TRPC4: variants seen among roughly 807,000 people sequenced by gnomAD.
TRPC4 encodes the protein short transient receptor potential channel 4.
A neutral mutation model predicts 99.4 loss-of-function variants in TRPC4; 49 were observed. That is an observed-to-expected ratio of 0.49 (90% confidence interval 0.39 to 0.63). The LOEUF is 0.63. Among genes scored for constraint, TRPC4 ranks in the 20% least tolerant of loss-of-function variants. The pLI is 0.00. For missense variants in TRPC4, 898 were observed against 1,152.9 expected (o/e 0.78, Z 3.20); for synonymous variants, 454 against 425.9 (o/e 1.07, Z -0.81).
chr13:37,753,757 G>A (rs1243162952), intron 2 of TRPC4, among the ~76,000 whole-genome samples: 3 of 152,124 alleles, frequency 2.0e-5, no homozygotes, highest in Non-Finnish European at 4.4e-5. Flanking sequence ...GGATGGAAAG[G>A]TGAACACAAG....
chr13:37,827,067 G>A (rs534034139), intron 1 of TRPC4, among the ~76,000 whole-genome samples: 8 of 151,928 alleles, frequency 5.3e-5, no homozygotes, highest in Admixed American at 3.9e-4. Flanking sequence ...GATCGCATCG[G>A]CTCCTGAGGC....
chr13:37,847,341 T>C (rs1186687065), intron 1 of TRPC4, among the ~76,000 whole-genome samples: 1 of 151,744 alleles, frequency 6.6e-6, no homozygotes, highest in Non-Finnish European at 1.5e-5. Context: ...TATCAAGCGG[T>C]TTTTCAGAGC....
At chr13:37,761,627 A>T (rs914443264) in intron 2 of TRPC4, among the ~76,000 whole-genome samples, 1 of 151,932 alleles carries the variant, frequency 6.6e-6, no homozygotes, top group Non-Finnish European at 1.5e-5. Context: ...TAGTTCCCAT[A>T]GGGCTGTGGT....
At chr13:37,652,668 T>A (rs1281433133) in intron 7 of TRPC4, among the ~76,000 whole-genome samples, 2 of 2,856 alleles carry the variant, frequency 7.0e-4, no homozygotes, top group African/African-American at 1.9e-3. Flanking sequence ...CTGATTATGC[T>A]GCATTGGTGA....
intron 1 of TRPC4, among the ~76,000 whole-genome samples, chr13:37,795,883 A>T (rs1957231343): frequency 6.6e-6 from 1 of 152,190 alleles, no homozygotes; most frequent in Non-Finnish European, 1.5e-5. Flanking sequence ...GGAGAAGGCA[A>T]TACATTTCTG....
At chr13:37,780,700 A>T (rs1431758770) in intron 2 of TRPC4, among the ~76,000 whole-genome samples, 2 of 152,114 alleles carry the variant, frequency 1.3e-5, no homozygotes, top group Non-Finnish European at 2.9e-5. Flanking sequence ...GATACGGCCC[A>T]AGCACTGAGG....
chr13:37,756,946 CAGG>C (rs1192116230), intron 2 of TRPC4, among the ~76,000 whole-genome samples: 14 of 152,084 alleles, frequency 9.2e-5, no homozygotes, highest in Middle Eastern at 3.4e-3. Flanking sequence ...GGCTCTAAAT[CAGG>C]AGATTTTAAA....
intron 1 of TRPC4, among the ~76,000 whole-genome samples, chr13:37,857,131 C>T (rs932605937): frequency 1.3e-5 from 2 of 151,412 alleles, no homozygotes; most frequent in African/African-American, 4.8e-5. Context: ...TATATGCCAA[C>T]AGTAAACAAT....
intron 1 of TRPC4, among the ~76,000 whole-genome samples, chr13:37,865,868 A>T (rs1488705969): frequency 6.6e-6 from 1 of 151,736 alleles, no homozygotes; most frequent in Non-Finnish European, 1.5e-5. Context: ...TTAAAATGTG[A>T]TAATACTTCA....
At chr13:37,745,465 TATATATATACACAC>T (rs1382075784) in intron 3 of TRPC4, among the ~76,000 whole-genome samples, 1,077 of 24,062 alleles carry the variant, frequency 0.045, 61 homozygotes, top group African/African-American at 0.15. Flanking sequence ...TATATATATA[TATATATATACACAC>T]ACACACACAC....
rs184009518 is a variant in TRPC4, at chr13:37,798,444, T to C, written c.-27-15084A>G. Among the ~76,000 whole-genome samples the C allele has an allele frequency of 2.3e-3, 349 of 152,286 alleles. 1 individual carries two copies. The highest frequency in any genetic ancestry group is 3.9e-3 in the Admixed American group (60 of 15,282). ...ATAAACAATTACTGATTCATCAAAATTATCATAAAATTATTTATTCCTCAG... is the reference window on the plus strand; with the variant it reads ...ATAAACAATTACTGATTCATCAAAACTATCATAAAATTATTTATTCCTCAG... On this transcript the variant is annotated intron_variant, in intron 1 of 10. Transcript: ENST00000379705.
chr13:37,701,195 C>A (rs1954091590), intron 3 of TRPC4, among the ~76,000 whole-genome samples: 1 of 152,092 alleles, frequency 6.6e-6, no homozygotes, highest in Non-Finnish European at 1.5e-5. Flanking sequence ...TTCTGTCAGT[C>A]TTTGATATCA....
intron 1 of TRPC4, among the ~76,000 whole-genome samples, chr13:37,798,042 T>G (rs1302515756): frequency 6.6e-6 from 1 of 152,194 alleles, no homozygotes; most frequent in Non-Finnish European, 1.5e-5. Context: ...GTTAGCATTT[T>G]TCTAAAATTC....
intron 1 of TRPC4, among the ~76,000 whole-genome samples, chr13:37,818,825 T>C (rs1957934502): frequency 6.6e-6 from 1 of 151,876 alleles, no homozygotes; most frequent in African/African-American, 2.4e-5. Flanking sequence ...ATTGAAGAGA[T>C]AGCATTAGGA....
At chr13:37,728,989 G>A (rs1955157368) in intron 3 of TRPC4, among the ~76,000 whole-genome samples, 1 of 152,058 alleles carries the variant, frequency 6.6e-6, no homozygotes, top group African/African-American at 2.4e-5. Context: ...AAATAAGAAT[G>A]AAGTTGGACC....
intron 3 of TRPC4, among the ~76,000 whole-genome samples, chr13:37,732,098 T>C (rs920784145): frequency 1.3e-5 from 2 of 152,106 alleles, no homozygotes; most frequent in African/African-American, 4.8e-5. Flanking sequence ...ACCAGTGCCA[T>C]TGTAGTTGCT....
At chr13:37,718,926 C>G (rs1437633124) in intron 3 of TRPC4, among the ~76,000 whole-genome samples, 1 of 151,934 alleles carries the variant, frequency 6.6e-6, no homozygotes, top group Non-Finnish European at 1.5e-5. Flanking sequence ...TCAAGAAGCT[C>G]AGGAAAACCT....
intron 6 of TRPC4, among the ~76,000 whole-genome samples, chr13:37,657,817 G>C (rs999135403): frequency 6.6e-6 from 1 of 151,822 alleles, no homozygotes; most frequent in Non-Finnish European, 1.5e-5. Flanking sequence ...AATTTAAAGG[G>C]GAAAATTCTA....
chr13:37,788,310 T>C (rs975496201), intron 1 of TRPC4, among the ~76,000 whole-genome samples: 2 of 152,192 alleles, frequency 1.3e-5, no homozygotes, highest in Non-Finnish European at 1.5e-5. Context: ...TATTTTTAAA[T>C]TGTAATTATC....
Sources: allele counts gnomAD v4.1 joint callset (sites outside exome capture counted in the v4.1 genomes callset), GRCh38; gene constraint gnomAD v4.1.1; transcripts MANE v1.5; gene names NCBI Gene and HGNC (gene_info 2026-07-23, HGNC 2026-07-21).